TRIP12: variants seen among roughly 807,000 people sequenced by gnomAD.
TRIP12 encodes the protein E3 ubiquitin-protein ligase TRIP12.
TRIP12 carries 25 observed loss-of-function variants against 244.2 expected under a neutral mutation model. The observed-to-expected ratio is 0.10, with a 90% CI of 0.07 to 0.14. The LOEUF (loss-of-function observed/expected upper bound fraction) is 0.14. Ranked by LOEUF, TRIP12 falls within the 10% of genes least tolerant of loss-of-function variation. The pLI, the probability that TRIP12 is intolerant of heterozygous loss-of-function variation, is 1.00. For missense variants in TRIP12, 1,677 were observed against 2,486.4 expected, an observed-to-expected ratio of 0.67 and a Z score of 6.92; for synonymous variants, 905 against 873.1, an observed-to-expected ratio of 1.04 and a Z score of -0.64.
chr2:229,798,784 T>A (rs2043451617), intron 23 of TRIP12, 91 bp downstream of exon 23: 2 of 1,355,806 alleles, frequency 1.5e-6, no homozygotes, highest in Admixed American at 4.2e-5. Flanking sequence ...TGTCTATGTA[T>A]CGTCTCCACA....
intron 37 of TRIP12, among the ~76,000 whole-genome samples, chr2:229,776,031 T>C (rs906467016): frequency 6.6e-6 from 1 of 152,092 alleles, no homozygotes; most frequent in Non-Finnish European, 1.5e-5. Flanking sequence ...GACAAGCATA[T>C]ATCACAGAGC....
intron 8 of TRIP12, among the ~76,000 whole-genome samples, chr2:229,827,632 A>G (rs936497685): frequency 2.6e-5 from 4 of 152,152 alleles, no homozygotes; most frequent in Non-Finnish European, 4.4e-5. Context: ...GACAGGCATG[A>G]AGCTGTCATC....
chr2:229,909,699 A>C (rs1047118235), intron 1 of TRIP12, among the ~76,000 whole-genome samples: 3 of 151,950 alleles, frequency 2.0e-5, no homozygotes, highest in Non-Finnish European at 4.4e-5. Flanking sequence ...AAAAAAAAAA[A>C]CAAAGTAGCC....
intron 1 of TRIP12, among the ~76,000 whole-genome samples, chr2:229,882,098 CCT>C (rs1449249159): frequency 6.6e-6 from 1 of 152,130 alleles, no homozygotes; most frequent in East Asian, 1.9e-4. Context: ...CATACTTCCC[CCT>C]GTGCTTCAAT....
At position 229,840,908 on chromosome 2, in the gene TRIP12, C is replaced by T; in HGVS notation, c.1047G>A (p.Lys349=). The change falls in exon 5 of 42, where the codon AAG becomes AAA. Residue 349 remains lysine (K), a synonymous_variant. Transcript: ENST00000675903. ...AKLASLRKST[K]KRSESPPAEL... The stretch of plus-strand genomic sequence containing the variant: ...CAGCAGGTGGAGACTCACTGCGTTT[C>T]TTCGTAGATTTTCTTAAACCTATCC... The T allele has an allele frequency of 6.2e-7, 1 of 1,605,042 alleles. No individual in the cohort carries two copies.
intron 6 of TRIP12, among the ~76,000 whole-genome samples, chr2:229,832,326 G>C (rs1043768822): frequency 2.6e-5 from 4 of 152,172 alleles, no homozygotes; most frequent in African/African-American, 7.2e-5. Flanking sequence ...TATAATTACA[G>C]AATTGAGTAC....
At chr2:229,820,865 CA>C (rs2049866369) in intron 8 of TRIP12, among the ~76,000 whole-genome samples, 1 of 152,214 alleles carries the variant, frequency 6.6e-6, no homozygotes, top group Non-Finnish European at 1.5e-5. Context: ...GCTGGGATTA[CA>C]GACATGAGCC....
intron 11 of TRIP12, among the ~76,000 whole-genome samples, chr2:229,814,865 A>G (rs957184615): frequency 3.3e-5 from 5 of 152,188 alleles, no homozygotes; most frequent in African/African-American, 1.2e-4. Context: ...AAGTACTTTA[A>G]AGTTCTTCTC....
At chr2:229,790,568 A>G (rs954557520) in intron 30 of TRIP12, among the ~76,000 whole-genome samples, 1 of 152,074 alleles carries the variant, frequency 6.6e-6, no homozygotes, top group South Asian at 2.1e-4. Flanking sequence ...TGGAACAATA[A>G]TATTGTCTAA....
chr2:229,776,058 C>T (rs1455216857), intron 37 of TRIP12, among the ~76,000 whole-genome samples: 1 of 152,144 alleles, frequency 6.6e-6, no homozygotes, highest in East Asian at 1.9e-4. Flanking sequence ...GGTGTGGAAG[C>T]ATGCAGACAG....
At chr2:229,895,751 G>C (rs918213047) in intron 1 of TRIP12, among the ~76,000 whole-genome samples, 4 of 151,476 alleles carry the variant, frequency 2.6e-5, no homozygotes, top group African/African-American at 9.7e-5. Context: ...TAGTGGCTGA[G>C]AATTTTCTAG....
Position 229,860,450 on chromosome 2 carries a change from C to T in TRIP12, c.180G>A (p.Gln60=), listed in dbSNP as rs760896899. The stretch of plus-strand genomic sequence containing the variant: ...TTGACAGTTCAGAAGTAGTATTAGA[C>T]TGCACTTTGGGTGCCTTAGAATTAG... ...RKSNSKAPKV[Q]SNTTSELSRG... The change falls in exon 3 of 42, where the codon CAG becomes CAA. Residue 60 remains glutamine, a synonymous_variant. Coordinates refer to ENST00000675903, the MANE Select transcript of TRIP12 (RefSeq NM_001348323.3). The T allele has an allele frequency of 6.2e-7, 1 of 1,611,984 alleles. No individual in the cohort carries two copies. The highest frequency in any genetic ancestry group is 8.5e-7 in the Non-Finnish European group (1 of 1,179,316).
chr2:229,805,536 T>C (rs187901657), intron 18 of TRIP12, among the ~76,000 whole-genome samples, 194 bp downstream of exon 18: 2 of 152,222 alleles, frequency 1.3e-5, no homozygotes, highest in East Asian at 1.9e-4. Context: ...AGCAGACAAA[T>C]TGTGGAAAAG....
chr2:229,882,044 A>G (rs970661865), intron 1 of TRIP12, among the ~76,000 whole-genome samples: 4 of 152,222 alleles, frequency 2.6e-5, no homozygotes, highest in Non-Finnish European at 4.4e-5. Context: ...GGACTCTAAC[A>G]CTAACAAGTT....
intron 1 of TRIP12, among the ~76,000 whole-genome samples, chr2:229,911,602 GAAAT>G (rs1321523460): frequency 2.0e-5 from 3 of 152,072 alleles, no homozygotes; most frequent in Non-Finnish European, 4.4e-5. Flanking sequence ...CCAACACAAA[GAAAT>G]AATAAGTGTC....
chr2:229,855,863 G>A (rs1189590724), intron 4 of TRIP12, among the ~76,000 whole-genome samples: 1 of 151,814 alleles, frequency 6.6e-6, no homozygotes, highest in Non-Finnish European at 1.5e-5. Flanking sequence ...TCAATATGGC[G>A]AAACCCTGTC....
chr2:229,899,341 T>C (rs2069904539), intron 1 of TRIP12, among the ~76,000 whole-genome samples: 1 of 152,086 alleles, frequency 6.6e-6, no homozygotes, highest in Non-Finnish European at 1.5e-5. Context: ...CTCCAAAGTG[T>C]TAGAACAGTT....
intron 1 of TRIP12, among the ~76,000 whole-genome samples, chr2:229,905,555 A>C (rs1208250162): frequency 6.6e-6 from 1 of 152,236 alleles, no homozygotes; most frequent in Admixed American, 6.5e-5. Flanking sequence ...ATCTTCAAAA[A>C]TAACAAAAGC....
intron 15 of TRIP12, among the ~76,000 whole-genome samples, chr2:229,809,062 G>A (rs961467559): frequency 6.6e-6 from 1 of 152,154 alleles, no homozygotes; most frequent in Non-Finnish European, 1.5e-5. Flanking sequence ...GATTGTGTGT[G>A]TGTTCCTGTA....
Sources: gnomAD v4.1 joint callset for allele counts (sites outside exome capture counted in the v4.1 genomes callset) on GRCh38, gnomAD v4.1.1 for gene constraint, MANE v1.5 for transcripts, NCBI Gene and HGNC (gene_info 2026-07-23, HGNC 2026-07-21) for gene names.